The following C12orf42 variants were observed in gnomAD, a reference collection of about 807,000 sequenced individuals.
C12orf42 encodes the protein uncharacterized protein C12orf42.
In C12orf42, 25 loss-of-function variants were observed where a neutral mutation model predicts 21.6. The ratio of observed to expected loss-of-function variants is 1.16; its 90% CI spans 0.84 to 1.62. The LOEUF (loss-of-function observed/expected upper bound fraction) is 1.62, where lower values mean the gene tolerates loss of function less well. Ranked by LOEUF, C12orf42 falls within the 40% of genes most tolerant of loss-of-function variation. C12orf42 has a pLI of 0.00. For synonymous variants in C12orf42, 174 were observed against 175.0 expected (o/e 0.99, Z 0.05); for missense variants, 483 against 459.3 (o/e 1.05, Z -0.47).
At chr12:103,222,560 G>A in the C12orf42 span, among the ~76,000 whole-genome samples, 1 of 152,146 alleles carries the variant, frequency 6.6e-6, no homozygotes, top group African/African-American at 2.4e-5. Flanking sequence ...GAGCTCAGAG[G>A]CCTGACAATG....
the C12orf42 span, among the ~76,000 whole-genome samples, chr12:103,050,573 A>G: frequency 1.3e-5 from 2 of 152,108 alleles, no homozygotes; most frequent in Non-Finnish European, 2.9e-5. Flanking sequence ...TAAATCCTAT[A>G]CAGAGTAGCC....
At chr12:103,532,757 T>G in the C12orf42 span, among the ~76,000 whole-genome samples, 1 of 152,172 alleles carries the variant, frequency 6.6e-6, no homozygotes, top group East Asian at 1.9e-4. Context: ...AAATTACCAT[T>G]AGTATATGTG....
intron 10 of C12orf42, among the ~76,000 whole-genome samples, chr12:103,244,867 C>T (rs1316049619): frequency 1.3e-5 from 2 of 152,022 alleles, no homozygotes; most frequent in African/African-American, 2.4e-5. Flanking sequence ...TGCTAAATAA[C>T]CAAAGATGAT....
At chr12:103,460,210 C>T (rs1003669155) in intron 2 of C12orf42, among the ~76,000 whole-genome samples, 2 of 151,784 alleles carry the variant, frequency 1.3e-5, no homozygotes, top group Admixed American at 6.6e-5. Context: ...GATTCACGGA[C>T]CTTTGTTTGG....
chr12:103,174,427 T>A, the C12orf42 span, among the ~76,000 whole-genome samples: 89 of 152,324 alleles, frequency 5.8e-4, 1 homozygote, highest in Admixed American at 1.5e-3. Context: ...ATGTGTTAAG[T>A]AACACAATTC....
At chr12:103,322,104 C>A (rs201027073) in intron 4 of C12orf42, among the ~76,000 whole-genome samples, 12,096 of 144,524 alleles carry the variant, frequency 0.084, 499 homozygotes, top group East Asian at 0.2. Context: ...GATGTGCACG[C>A]GCGTGCGTGC....
At chr12:103,224,527 G>T in the C12orf42 span, among the ~76,000 whole-genome samples, 1 of 152,060 alleles carries the variant, frequency 6.6e-6, no homozygotes, top group East Asian at 1.9e-4. Flanking sequence ...TACAGTCATG[G>T]GGGTCAGGTG....
chr12:103,475,992 T>G (rs1334490159), intron 2 of C12orf42, among the ~76,000 whole-genome samples: 1 of 152,192 alleles, frequency 6.6e-6, no homozygotes, highest in African/African-American at 2.4e-5. Context: ...AGTGAACATA[T>G]TCAAGTACAA....
chr12:103,087,679 A>C, the C12orf42 span, among the ~76,000 whole-genome samples: 1 of 152,228 alleles, frequency 6.6e-6, no homozygotes. Flanking sequence ...ATTCTCATAT[A>C]ATTCTATAAA....
At chr12:103,310,510 A>G (rs1376794809) in intron 4 of C12orf42, among the ~76,000 whole-genome samples, 1 of 152,250 alleles carries the variant, frequency 6.6e-6, no homozygotes, top group African/African-American at 2.4e-5. Context: ...AATGTAGTGT[A>G]AGATACACAA....
chr12:103,176,387 C>T, the C12orf42 span, among the ~76,000 whole-genome samples: 6 of 152,062 alleles, frequency 3.9e-5, no homozygotes, highest in Non-Finnish European at 8.8e-5. Context: ...CTCAACTTCT[C>T]ATATTTATAA....
chr12:103,322,638 G>A (rs566463418), intron 4 of C12orf42, among the ~76,000 whole-genome samples: 4 of 152,142 alleles, frequency 2.6e-5, no homozygotes, highest in East Asian at 3.9e-4. Flanking sequence ...GATAGATCTC[G>A]GTAATGTCTT....
At chr12:103,505,395 T>G in the C12orf42 span, 4 of 336,012 alleles carry the variant, frequency 1.2e-5, no homozygotes, top group South Asian at 1.0e-4. Context: ...TCTGACCCCA[T>G]AGTGTTGGGT....
chr12:103,178,772 A>G, the C12orf42 span: 1 of 152,224 alleles, frequency 6.6e-6, no homozygotes. Flanking sequence ...ATTTTCAAGT[A>G]TGTGTTTAAA....
chr12:103,493,012 T>C (rs1209323946), intron 1 of C12orf42, among the ~76,000 whole-genome samples: 1 of 152,190 alleles, frequency 6.6e-6, no homozygotes, highest in Non-Finnish European at 1.5e-5. Flanking sequence ...ACTACCTTAA[T>C]CCAGGATTAA....
At chr12:103,457,524 C>G (rs571063142) in intron 2 of C12orf42, among the ~76,000 whole-genome samples, 1 of 152,256 alleles carries the variant, frequency 6.6e-6, no homozygotes, top group South Asian at 2.1e-4. Flanking sequence ...TGGTCCATCT[C>G]GCAGACCAAT....
rs2037715348 is a variant in C12orf42, at chr12:103,302,158, C to A, written c.1033G>T (p.Val345Phe). The A allele has an allele frequency of 6.2e-7, 1 of 1,613,128 alleles. No individual in the cohort carries two copies. Among genetic ancestry groups the A allele is most frequent in the African/African-American group, 1.3e-5 (1 of 74,878 alleles). Residue 345 changes from valine to phenylalanine, a missense_variant, in exon 6 of 6, where the codon GTT (valine) becomes TTT (phenylalanine). By Grantham distance (50) the Val-to-Phe change is conservative (BLOSUM62 -1). Transcript: ENST00000548883. ...PPRPTRRFHT[V>F]CSQALSRPVV... ...GGCCTAGAAAGGGCCTGTGAACAAA[C>A]CGTATGGAAACGCCGGGTTGGGCGG...
intron 2 of C12orf42, among the ~76,000 whole-genome samples, chr12:103,475,775 C>G (rs1307097521): frequency 6.6e-6 from 1 of 152,220 alleles, no homozygotes; most frequent in Non-Finnish European, 1.5e-5. Flanking sequence ...AAAAGTATAA[C>G]TCTGTATTTC....
the C12orf42 span, among the ~76,000 whole-genome samples, chr12:103,519,089 T>C: frequency 6.6e-6 from 1 of 152,172 alleles, no homozygotes; most frequent in African/African-American, 2.4e-5. Context: ...TGAGATCTGA[T>C]GGTTTCATAA....
Sources: allele counts gnomAD v4.1 joint callset (sites outside exome capture counted in the v4.1 genomes callset), GRCh38; gene constraint gnomAD v4.1.1; transcripts MANE v1.5; gene names NCBI Gene and HGNC (gene_info 2026-07-23, HGNC 2026-07-21).